CEP152: variants seen among roughly 807,000 people sequenced by gnomAD.
CEP152 encodes the protein centrosomal protein 152.
CEP152 carries 132 observed loss-of-function variants against 188.9 expected under a neutral mutation model. That is an observed-to-expected ratio of 0.70 (90% CI 0.61 to 0.81). The LOEUF is 0.81. Ranked by LOEUF, CEP152 falls within the 30% of genes least tolerant of loss-of-function variation. CEP152 has a pLI of 0.00. For synonymous variants in CEP152, 649 were observed against 666.6 expected (o/e 0.97, Z 0.41); for missense variants, 1,914 against 1,969.8 (o/e 0.97, Z 0.54).
rs1471912721 is a variant in CEP152 at position 48,772,618 on chromosome 15, G to A, written c.1651C>T (p.Gln551Ter). Reference sequence around the variant, plus strand: ...ATTGAGTTGCTACCCAGCAAACGCTGTACTTCTGCCTTTAACTTCAGAATG... The same window carrying A: ...ATTGAGTTGCTACCCAGCAAACGCTATACTTCTGCCTTTAACTTCAGAATG... Reference protein sequence around the residue: ...EFILKLKAEVQRLLGSNSMKR... With the variant: ...EFILKLKAEV The change falls in exon 13 of 27, where the codon CAG becomes TAG. Residue 551 changes from glutamine to a stop codon, truncating the protein, a stop_gained. Coordinates refer to ENST00000380950, the MANE Select transcript of CEP152 (RefSeq NM_001194998.2). LOFTEE classifies it high-confidence loss of function. 6.2e-7 allele frequency: 1 copy of A among 1,613,954 alleles called. No individual in the cohort carries two copies. The highest frequency in any genetic ancestry group is 8.5e-7 in the Non-Finnish European group (1 of 1,179,992).
chr15:48,746,907 C>T (rs1349769706), intron 22 of CEP152, among the ~76,000 whole-genome samples: 2 of 152,114 alleles, frequency 1.3e-5, no homozygotes, highest in East Asian at 3.8e-4. Flanking sequence ...AAGGAGTTAG[C>T]CAGCCAAATG....
Position 48,739,279 on chromosome 15 carries a change from A to G in CEP152, c.4103T>C (p.Leu1368Pro), listed in dbSNP as rs770375327. The change falls in exon 27 of 27, where the codon CTA becomes CCA. Residue 1368 changes from leucine (L) to proline (P), a missense_variant. Coordinates refer to ENST00000380950, the MANE Select transcript of CEP152 (RefSeq NM_001194998.2). ...AACTGCAATCAGCATCTCTGAAGTT[A>G]GGGGCAGTGCTATTATGTGCAAGGA... ...QSKTTQSALP[L>P]TSEMLIAVKK... 2 of 1,613,242 alleles carry G rather than the reference A, an allele frequency of 1.2e-6. No individual in the cohort carries two copies. Among genetic ancestry groups the G allele is most frequent in the Non-Finnish European group, 1.7e-6 (2 of 1,179,854 alleles).
intron 9 of CEP152, among the ~76,000 whole-genome samples, chr15:48,786,213 C>CTTA (rs1896622979): frequency 6.6e-6 from 1 of 152,124 alleles, no homozygotes; most frequent in Non-Finnish European, 1.5e-5. Context: ...AATCAGAGAT[C>CTTA]TTAACATGAC....
intron 9 of CEP152, among the ~76,000 whole-genome samples, 174 bp downstream of exon 9, chr15:48,788,627 G>T (rs997584937): frequency 6.6e-6 from 1 of 151,946 alleles, no homozygotes; most frequent in African/African-American, 2.4e-5. Context: ...TTACAGGCGT[G>T]AGCCATTGCG....
downstream of CEP152, among the ~76,000 whole-genome samples, chr15:48,735,881 C>A (rs1892577655): frequency 1.3e-5 from 2 of 151,884 alleles, no homozygotes; most frequent in South Asian, 4.2e-4. Flanking sequence ...GAAAACAAAT[C>A]AACTAATCTG....
chr15:48,736,865 G>C (rs566621310), downstream of CEP152, among the ~76,000 whole-genome samples: 1 of 152,124 alleles, frequency 6.6e-6, no homozygotes, highest in African/African-American at 2.4e-5. Context: ...CTAAAAACAA[G>C]GGCTTAAAAC....
intron 24 of CEP152, among the ~76,000 whole-genome samples, chr15:48,742,517 G>A (rs1293881728): frequency 6.6e-6 from 1 of 152,124 alleles, no homozygotes; most frequent in Non-Finnish European, 1.5e-5. Flanking sequence ...CAAACACAAA[G>A]ACAGAAGAAA....
At chr15:48,801,458 T>G (rs1897663366) in intron 2 of CEP152, among the ~76,000 whole-genome samples, 1 of 152,218 alleles carries the variant, frequency 6.6e-6, no homozygotes, top group African/African-American at 2.4e-5. Flanking sequence ...ATCTGCCACC[T>G]GCTACCTAAA....
At chr15:48,733,142 T>A (rs181176138), downstream of CEP152, among the ~76,000 whole-genome samples, 213 of 152,254 alleles carry the variant, frequency 1.4e-3, 1 homozygote, top group Non-Finnish European at 2.4e-3. Context: ...CCAACCACTC[T>A]AGTATAGTAG....
chr15:48,787,077 A>C (rs1896689021), intron 9 of CEP152, among the ~76,000 whole-genome samples: 1 of 152,168 alleles, frequency 6.6e-6, no homozygotes, highest in Non-Finnish European at 1.5e-5. Context: ...TTAAAATAAA[A>C]TAAAATAAAA....
At chr15:48,795,897 T>C in intron 6 of CEP152, 113 bp downstream of exon 6, 1 of 980,236 alleles carries the variant, frequency 1.0e-6, no homozygotes. Context: ...CAAGCACAAT[T>C]CTATTGTCAT....
At chr15:48,800,751 C>T (rs1375541634) in intron 2 of CEP152, among the ~76,000 whole-genome samples, 3 of 152,120 alleles carry the variant, frequency 2.0e-5, no homozygotes, top group Non-Finnish European at 4.4e-5. Flanking sequence ...CAGATACCTT[C>T]CCTGTAAGAA....
chr15:48,809,334 A>G (rs1366648728), intron 1 of CEP152, among the ~76,000 whole-genome samples: 1 of 152,204 alleles, frequency 6.6e-6, no homozygotes, highest in Non-Finnish European at 1.5e-5. Flanking sequence ...AAGACATGGT[A>G]CCAGCCATGA....
chr15:48,750,549 T>C (rs756792140), intron 21 of CEP152, among the ~76,000 whole-genome samples: 1 of 152,144 alleles, frequency 6.6e-6, no homozygotes, highest in Non-Finnish European at 1.5e-5. Context: ...AAATTGCATT[T>C]ATATTTTTCA....
At chr15:48,800,091 A>G (rs1174619168) in intron 2 of CEP152, among the ~76,000 whole-genome samples, 2 of 152,220 alleles carry the variant, frequency 1.3e-5, no homozygotes, top group Non-Finnish European at 2.9e-5. Flanking sequence ...CTACATAATA[A>G]TTCAGCAGTT....
intron 1 of CEP152, among the ~76,000 whole-genome samples, chr15:48,808,650 A>AC (rs1169730004): frequency 1.3e-5 from 2 of 152,300 alleles, no homozygotes; most frequent in East Asian, 3.9e-4. Flanking sequence ...AAACAAACAA[A>AC]AAAAAAACTT....
intron 20 of CEP152, among the ~76,000 whole-genome samples, chr15:48,754,708 T>C (rs969626061): frequency 9.2e-5 from 14 of 152,148 alleles, no homozygotes; most frequent in Non-Finnish European, 1.5e-4. Context: ...TAAAATTCTA[T>C]ACTGTTTCAA....
intron 2 of CEP152, among the ~76,000 whole-genome samples, chr15:48,799,721 A>G (rs951563225): frequency 6.6e-6 from 1 of 152,208 alleles, no homozygotes; most frequent in Non-Finnish European, 1.5e-5. Context: ...ATGAAAAACA[A>G]AACAGAACAC....
intron 23 of CEP152, 98 bp from the exon 24 acceptor site, chr15:48,744,441 G>A: frequency 6.5e-7 from 1 of 1,546,412 alleles, no homozygotes; most frequent in South Asian, 1.2e-5. Context: ...AAAGTTAACT[G>A]AGAAGTGCTA....
Sources: allele counts gnomAD v4.1 joint callset (sites outside exome capture counted in the v4.1 genomes callset), GRCh38; gene constraint gnomAD v4.1.1; transcripts MANE v1.5; gene names NCBI Gene and HGNC (gene_info 2026-07-23, HGNC 2026-07-21).